HAGH: variants seen among roughly 807,000 people sequenced by gnomAD.
HAGH encodes the protein hydroxyacylglutathione hydrolase, mitochondrial.
In HAGH, 29 loss-of-function variants were observed where a neutral mutation model predicts 35.1. The ratio of observed to expected loss-of-function variants is 0.83; its 90% CI spans 0.62 to 1.13. HAGH has a LOEUF of 1.13. Ranked by LOEUF, HAGH falls within the 50% of genes most tolerant of loss-of-function variation. HAGH has a pLI of 0.00. For synonymous variants in HAGH, 225 were observed against 176.1 expected, an observed-to-expected ratio of 1.28 and a Z score of -2.20; for missense variants, 478 against 419.6, an observed-to-expected ratio of 1.14 and a Z score of -1.22.
Position 1,816,897 on chromosome 16 carries a change from GC to G in HAGH, c.742del (p.Ala248ProfsTer26). On this transcript the variant is annotated frameshift_variant, in exon 7 of 9. Coordinates refer to ENST00000397356, the MANE Select transcript of HAGH (RefSeq NM_005326.6). LOFTEE classifies it high-confidence loss of function. The stretch of plus-strand genomic sequence containing the variant: ...CGCAGTGACGGCCCCACTCACCTTG[GC>G]CCAGGCCAGCTTCTCCCGGATGGCG... ...NAAIREKLAW[A>X]KEKYSIGEPT... The G allele has an allele frequency of 6.2e-7, 1 of 1,608,766 alleles. No individual in the cohort carries two copies. Among genetic ancestry groups the G allele is most frequent in the Non-Finnish European group, 8.5e-7 (1 of 1,175,416 alleles).
rs2268668 is a variant in HAGH, at chr16:1,822,070, G to A, written c.314+230C>T. On this transcript the variant is annotated intron_variant, in intron 3 of 8. Transcript: ENST00000397356. ...GAGAGAGCCGGGGGGTGGGGCCTGA[G>A]GGTAAGGCTGTAACCTTCTCCCCTC... The A allele has an allele frequency of 8.9e-3, 4,883 of 551,312 alleles. 180 individuals are homozygous for A. The East Asian group carries it at 0.094, about 11-fold the overall frequency. The allele number at this position is 551,312 out of a possible 1,614,324, so 34.2% of individuals were successfully genotyped here. A position where few individuals can be genotyped will look rare whatever the true frequency, so the allele number is the denominator to read the frequency against.
rs533765432 is a variant in HAGH, at chr16:1,822,868, C to A, written c.246G>T (p.Gln82His). 1.7e-4 allele frequency: 280 copies of A among 1,613,452 alleles called. 4 individuals are homozygous for A. The South Asian group carries it at 2.8e-3, about 16-fold the overall frequency. ...AGCCAGGCACAGCCATGCGCACCTTCTGGGGCTGCACCGGATCCACAATGG... is the reference window on the plus strand; with the variant it reads ...AGCCAGGCACAGCCATGCGCACCTTATGGGGCTGCACCGGATCCACAATGG... Reference protein sequence around the residue: ...EAAIVDPVQPQKVVDAARKHG... With the variant: ...EAAIVDPVQPHKVVDAARKHG... The change falls in exon 2 of 9, where the codon CAG (glutamine) becomes CAT (histidine). Residue 82 changes from glutamine to histidine, a missense_variant. Transcript: ENST00000397356.
chr16:1,821,608 A>G (rs1410333842), intron 3 of HAGH: 6 of 152,234 alleles, frequency 3.9e-5, no homozygotes, highest in Non-Finnish European at 8.8e-5. Flanking sequence ...GGATTTTTAA[A>G]AACCCAACCT....
At chr16:1,817,678 A>G (rs1323963033) in intron 5 of HAGH, among the ~76,000 whole-genome samples, 1 of 152,150 alleles carries the variant, frequency 6.6e-6, no homozygotes, top group Non-Finnish European at 1.5e-5. Context: ...ACCCTGGCTG[A>G]GCTGAGCGGG....
At chr16:1,823,477 C>T (rs1201164166) in intron 1 of HAGH, among the ~76,000 whole-genome samples, 1 of 151,860 alleles carries the variant, frequency 6.6e-6, no homozygotes, top group Non-Finnish European at 1.5e-5. Flanking sequence ...TGGTGTTAGC[C>T]AGGATGGTCT....
intron 5 of HAGH, chr16:1,818,833 G>A (rs763331637): frequency 4.6e-6 from 2 of 438,400 alleles, no homozygotes; most frequent in African/African-American, 4.0e-5. Context: ...CCTGCTGGAA[G>A]AAACTGACTC....
chr16:1,809,845 A>T lies in HAGH; in HGVS notation c.748-12T>A, dbSNP rs1310314602. The T allele has an allele frequency of 1.2e-6, 2 of 1,607,000 alleles. No individual in the cohort carries two copies. Among genetic ancestry groups the T allele is most frequent in the Non-Finnish European group, 1.7e-6 (2 of 1,173,574 alleles). On this transcript the variant is annotated splice_polypyrimidine_tract_variant and intron_variant, in intron 7 of 8. Coordinates refer to ENST00000397356, the MANE Select transcript of HAGH (RefSeq NM_005326.6). Reference sequence around the variant, plus strand: ...ATGCTGTACTTCTCCTGCAAGAGAAACGCACCACTTTATCACGGGAACTTC... The same window carrying T: ...ATGCTGTACTTCTCCTGCAAGAGAATCGCACCACTTTATCACGGGAACTTC...
At chr16:1,825,233 G>A (rs747451711) in intron 1 of HAGH, among the ~76,000 whole-genome samples, 5 of 152,134 alleles carry the variant, frequency 3.3e-5, no homozygotes, top group Admixed American at 6.6e-5. Flanking sequence ...CAGGAGACTC[G>A]CTTGAGCCCG....
intron 7 of HAGH, among the ~76,000 whole-genome samples, chr16:1,816,230 A>T (rs1046449552): frequency 7.4e-5 from 11 of 149,582 alleles, no homozygotes; most frequent in Admixed American, 1.3e-4. Context: ...AAAAAAAAAG[A>T]TGAGTATTTA....
At position 1,826,779 on chromosome 16, in the gene HAGH, C is replaced by A; in HGVS notation, c.9G>T (p.Val3=). The A allele has an allele frequency of 1.6e-6, 2 of 1,214,770 alleles. No homozygotes were observed. The highest frequency in any genetic ancestry group is 4.4e-5 in the Admixed American group (1 of 22,938). The allele number at this position is 1,214,770 out of a possible 1,614,324, so 75.2% of individuals were successfully genotyped here. A position where few individuals can be genotyped will look rare whatever the true frequency, so the allele number is the denominator to read the frequency against. The change falls in exon 1 of 9, where the codon GTG becomes GTT. Residue 3 remains valine, a synonymous_variant. Transcript: ENST00000397356. ...TGCGGCGGCCGAGCAGCCCTCGGCC[C>A]ACCACCATGACCCGGGCCGGGCTGG... MV[V]GRGLLGRRSL...
intron 2 of HAGH, 81 bp from the exon 3 acceptor site, chr16:1,822,445 A>G: frequency 9.4e-7 from 1 of 1,068,414 alleles, no homozygotes; most frequent in Non-Finnish European, 1.4e-6. Flanking sequence ...GGTGCCCAGC[A>G]GAACCCAGGA....
Position 1,819,972 on chromosome 16 carries a change from C to T in HAGH, c.357G>A (p.Ser119=), listed in dbSNP as rs149319914. ...CGTCACCCCCGTACACCTTCAGTCC[C>T]GACTCCAGCTTGACCAGTTTCTCAT... The part of the protein sequence containing the change: ...GGNEKLVKLE[S]GLKVYGGDDR... Residue 119 remains serine (S), a synonymous_variant, in exon 4 of 9, where the codon TCG becomes TCA. Transcript: ENST00000397356. 9.9e-6 allele frequency: 16 copies of T among 1,613,348 alleles called. No individual in the cohort carries two copies. Among genetic ancestry groups the T allele is most frequent in the Admixed American group, 8.3e-5 (5 of 59,942 alleles).
intron 7 of HAGH, chr16:1,810,192 T>G: frequency 4.1e-6 from 1 of 244,314 alleles, no homozygotes; most frequent in Non-Finnish European, 8.2e-6. Context: ...CTGGTAACCT[T>G]AGGACACTGC....
At position 1,820,010 on chromosome 16, in the gene HAGH, G is replaced by C. The variant is rs763455310; in HGVS notation, c.319C>G (p.His107Asp). ...TVLTTHHHWDHAGGNEKLVKL... is the reference protein window; with the variant it reads ...TVLTTHHHWDDAGGNEKLVKL... ...ACCAGTTTCTCATTCCCGCCAGCAT[G>C]GTCCCTAGAAGTCAAACAGGAGACC... The change falls in exon 4 of 9, where the codon CAT becomes GAT. Residue 107 changes from histidine to aspartate, a missense_variant. By Grantham distance (81) the His-to-Asp change is moderately conservative. Transcript: ENST00000397356. 5 of 1,608,326 alleles carry C rather than the reference G, an allele frequency of 3.1e-6. No homozygotes were observed. The highest frequency in any genetic ancestry group is 8.5e-7 in the Non-Finnish European group (1 of 1,176,358).
intron 1 of HAGH, among the ~76,000 whole-genome samples, chr16:1,824,390 GGGGC>G (rs1398482462): frequency 6.6e-6 from 1 of 152,222 alleles, no homozygotes; most frequent in Non-Finnish European, 1.5e-5. Context: ...CTCTGCCACA[GGGGC>G]CCAGAAGGCC....
Position 1,819,394 on chromosome 16 carries a change from G to C in HAGH, c.433-171C>G, listed in dbSNP as rs182604678. ...GGACTGGGGGACTCGCTCACTCCAT[G>C]GGTGCGCCCCAAGTGCAGGGCCACC... On this transcript the variant is annotated intron_variant, in intron 4 of 8. Transcript: ENST00000397356. Among the ~76,000 whole-genome samples, 43 of 152,342 alleles carry C rather than the reference G, an allele frequency of 2.8e-4. 1 individual carries two copies. In the East Asian group the frequency reaches 3.7e-3, roughly 13 times the overall value.
rs1567256554 is a variant in HAGH, at chr16:1,816,987, TAG to T, written c.651_652del (p.Tyr218LeufsTer68). On this transcript the variant is annotated frameshift_variant, in exon 7 of 9. Coordinates refer to ENST00000397356, the MANE Select transcript of HAGH (RefSeq NM_005326.6). LOFTEE classifies it high-confidence loss of function. ...GTTGATGGTGTACTCGTGGCCACAG[TAG>T]ACTCTCTGAGGAGAGAGGTGACAGG... The T allele has an allele frequency of 1.2e-6, 2 of 1,608,108 alleles. No individual in the cohort carries two copies. Among genetic ancestry groups the T allele is most frequent in the Non-Finnish European group, 1.7e-6 (2 of 1,174,554 alleles).
upstream of HAGH, chr16:1,826,991 A>AGCGGCG (rs28364708): frequency 1.6e-5 from 10 of 619,850 alleles, no homozygotes; most frequent in African/African-American, 7.7e-5. Flanking sequence ...CGGGCCTGGG[A>AGCGGCG]GCGGCGGCGG....
chr16:1,826,455 G>C (rs1465927822), intron 1 of HAGH: 4 of 660,234 alleles, frequency 6.1e-6, no homozygotes, highest in Non-Finnish European at 7.5e-6. Context: ...GGGCGCGGCC[G>C]GCCCAGCCCG....
Sources: allele counts gnomAD v4.1 joint callset (sites outside exome capture counted in the v4.1 genomes callset), GRCh38; gene constraint gnomAD v4.1.1; transcripts MANE v1.5; gene names NCBI Gene and HGNC (gene_info 2026-07-23, HGNC 2026-07-21).